Variants in RBFOX1 observed in about 807,000 individuals in gnomAD.
The protein encoded by RBFOX1 is RNA binding protein fox-1 homolog 1.
Under a neutral mutation model 57.7 loss-of-function variants are expected in RBFOX1, and 8 were observed. That is an observed-to-expected ratio of 0.14 (90% CI 0.08 to 0.25). The LOEUF (loss-of-function observed/expected upper bound fraction) is 0.25. Among genes scored for constraint, RBFOX1 ranks in the 10% least tolerant of loss-of-function variants. RBFOX1 has a pLI of 1.00. For synonymous variants in RBFOX1, 326 were observed against 222.4 expected (o/e 1.47, Z -4.15); for missense variants, 611 against 548.5 (o/e 1.11, Z -1.14).
chr16:5,323,458 C>T (rs770799755), intron 1 of RBFOX1, among the ~76,000 whole-genome samples: 7 of 152,228 alleles, frequency 4.6e-5, no homozygotes, highest in African/African-American at 7.2e-5. Context: ...ATGTTAATTA[C>T]GTGGGTTCTC....
In RBFOX1 at chr16:6,882,051, T is replaced by C. The variant is rs180839695; in HGVS notation, c.-15-170006T>C. Among the ~76,000 whole-genome samples, 5 of 152,294 alleles carry C rather than the reference T, an allele frequency of 3.3e-5. No homozygotes were observed. In the South Asian group the frequency reaches 6.2e-4, roughly 19 times the overall value. On this transcript the variant is annotated intron_variant, in intron 3 of 15. Transcript: ENST00000550418. ...GACTTCATTTCTGGAAAAATGGTGA[T>C]GTCAGTCTTCCTGCTTAATATTTCA...
chr16:5,493,742 A>G (rs927995582), intron 2 of RBFOX1, among the ~76,000 whole-genome samples: 2 of 152,218 alleles, frequency 1.3e-5, no homozygotes, highest in Non-Finnish European at 2.9e-5. Context: ...TTAAAGTTTA[A>G]TGTTTGAAAA....
At chr16:6,287,518 T>A (rs17220165) in intron 1 of RBFOX1, among the ~76,000 whole-genome samples, 6,612 of 152,138 alleles carry the variant, frequency 0.043, 183 homozygotes, top group Middle Eastern at 0.14. Context: ...TATTCACAGG[T>A]TCATGAGGCT....
chr16:5,815,607 G>T (rs950108451), intron 3 of RBFOX1, among the ~76,000 whole-genome samples: 1 of 152,166 alleles, frequency 6.6e-6, no homozygotes. Flanking sequence ...TTCCAGGAAG[G>T]AAGCCACAGC....
chr16:5,660,966 A>G (rs996104318), intron 3 of RBFOX1, among the ~76,000 whole-genome samples: 3 of 152,156 alleles, frequency 2.0e-5, no homozygotes, highest in Non-Finnish European at 4.4e-5. Flanking sequence ...ATGGCTTGAT[A>G]TAGGGTTGAG....
chr16:6,085,166 C>A (rs142294518), intron 1 of RBFOX1, among the ~76,000 whole-genome samples: 1 of 152,316 alleles, frequency 6.6e-6, no homozygotes, highest in African/African-American at 2.4e-5. Context: ...CCACAACTTG[C>A]AGATCCAGAC....
At chr16:5,785,032 T>C (rs1362865194) in intron 3 of RBFOX1, among the ~76,000 whole-genome samples, 1 of 152,230 alleles carries the variant, frequency 6.6e-6, no homozygotes, top group East Asian at 1.9e-4. Context: ...TGAGCTCTTT[T>C]GTGTCAACAT....
intron 4 of RBFOX1, among the ~76,000 whole-genome samples, chr16:7,251,738 G>C (rs1053707035): frequency 1.3e-5 from 2 of 152,080 alleles, no homozygotes; most frequent in African/African-American, 2.4e-5. Flanking sequence ...TCATCTGTCA[G>C]TGCACGCTTA....
intron 3 of RBFOX1, among the ~76,000 whole-genome samples, chr16:6,905,403 A>AT (rs776273966): frequency 8.1e-4 from 123 of 152,184 alleles, no homozygotes; most frequent in Non-Finnish European, 1.3e-3. Context: ...AAATACAAAA[A>AT]TTAACTGAGC....
At position 7,485,829 on chromosome 16, in the gene RBFOX1, G is replaced by A. The variant is rs187855251; in HGVS notation, c.28-32318G>A. On this transcript the variant is annotated intron_variant, in intron 4 of 15. Coordinates refer to ENST00000550418, the MANE Select transcript of RBFOX1 (RefSeq NM_018723.4). ...GAGTCCACTTGGCATTTGGTTATCAGCTTATACTTAACAGCAAGTGTCGGT... is the reference window on the plus strand; with the variant it reads ...GAGTCCACTTGGCATTTGGTTATCAACTTATACTTAACAGCAAGTGTCGGT... Among the ~76,000 whole-genome samples the A allele has an allele frequency of 2.6e-4, 39 of 152,202 alleles. No homozygotes were observed. The East Asian group carries it at 7.0e-3, about 27-fold the overall frequency.
At chr16:6,500,896 T>TTGTGTGTTTGTTTGTTTG in intron 2 of RBFOX1, among the ~76,000 whole-genome samples, 1 of 142,332 alleles carries the variant, frequency 7.0e-6, no homozygotes. Flanking sequence ...TTTTTTTTTT[T>TTGTGTGTTTGTTTGTTTG]TTTTTAATGC....
At chr16:6,683,279 G>A (rs2058944211) in intron 3 of RBFOX1, among the ~76,000 whole-genome samples, 2 of 152,122 alleles carry the variant, frequency 1.3e-5, no homozygotes, top group African/African-American at 4.8e-5. Flanking sequence ...ATTTTTTCAA[G>A]CCTGTTAATG....
At chr16:7,636,829 C>G (rs920111634) in intron 11 of RBFOX1, among the ~76,000 whole-genome samples, 1 of 136,490 alleles carries the variant, frequency 7.3e-6, no homozygotes, top group African/African-American at 2.6e-5. Flanking sequence ...AAGAGAGAGA[C>G]AGAGACAGAG....
At chr16:7,166,076 T>G (rs1159973938) in intron 4 of RBFOX1, among the ~76,000 whole-genome samples, 1 of 152,094 alleles carries the variant, frequency 6.6e-6, no homozygotes, top group Non-Finnish European at 1.5e-5. Context: ...TGCAGTGGAT[T>G]GATCTCAGCC....
At chr16:6,646,537 GTTGA>G (rs1374423656) in intron 2 of RBFOX1, among the ~76,000 whole-genome samples, 1 of 152,028 alleles carries the variant, frequency 6.6e-6, no homozygotes, top group East Asian at 1.9e-4. Context: ...TCGTTAGTTC[GTTGA>G]TTAACACCTG....
At chr16:5,735,791 G>T (rs1415162050) in intron 3 of RBFOX1, among the ~76,000 whole-genome samples, 1 of 152,072 alleles carries the variant, frequency 6.6e-6, no homozygotes, top group East Asian at 1.9e-4. Flanking sequence ...CAGGAGAATC[G>T]CTTGAACTCG....
intron 3 of RBFOX1, among the ~76,000 whole-genome samples, chr16:5,615,098 C>T (rs760274056): frequency 7.2e-5 from 11 of 152,104 alleles, no homozygotes; most frequent in Admixed American, 5.9e-4. Context: ...GCAGTGGTGC[C>T]GTCATAGCTC....
chr16:5,612,659 T>C (rs886906264), intron 3 of RBFOX1, among the ~76,000 whole-genome samples: 1 of 152,216 alleles, frequency 6.6e-6, no homozygotes, highest in Non-Finnish European at 1.5e-5. Context: ...GAATAGAGCA[T>C]TCTAGACAGA....
chr16:6,513,269 C>A (rs760919272), intron 2 of RBFOX1, among the ~76,000 whole-genome samples: 17 of 152,184 alleles, frequency 1.1e-4, no homozygotes. Flanking sequence ...GTGGTTGCCA[C>A]GTAGCAAATG....
Sources: allele counts gnomAD v4.1 joint callset (sites outside exome capture counted in the v4.1 genomes callset), GRCh38; gene constraint gnomAD v4.1.1; transcripts MANE v1.5; gene names NCBI Gene and HGNC (gene_info 2026-07-23, HGNC 2026-07-21).